ABTB2: variants seen among roughly 807,000 people sequenced by gnomAD.
ABTB2 encodes ankyrin repeat and BTB/POZ domain-containing protein 2.
ABTB2 carries 56 observed loss-of-function variants against 104.1 expected under a neutral mutation model. That is an observed-to-expected ratio of 0.54 (90% CI 0.43 to 0.67). ABTB2 has a LOEUF of 0.67. Among genes scored for constraint, ABTB2 ranks in the 30% least tolerant of loss-of-function variants. The probability of loss-of-function intolerance (pLI) is 0.00; values close to 1 mark genes in which losing one functional copy is unlikely to be tolerated. For missense variants in ABTB2, 1,279 were observed against 1,407.7 expected (o/e 0.91, Z 1.46); for synonymous variants, 606 against 608.2 (o/e 1.00, Z 0.05).
chr11:34,321,626 A>T (rs1855002735), intron 1 of ABTB2, among the ~76,000 whole-genome samples: 1 of 152,218 alleles, frequency 6.6e-6, no homozygotes. Context: ...TCTGTGACTC[A>T]ACAGTGTCAT....
rs1157057063 is a variant in ABTB2 at position 34,274,582 on chromosome 11, C to CGT, written c.884-69894_884-69893dup. On this transcript the variant is annotated intron_variant, in intron 1 of 16. Coordinates refer to ENST00000435224, the MANE Select transcript of ABTB2 (RefSeq NM_145804.3). ...ATATACACACACACACACACACACGCGTGTGTGTGTATGTATATATTTTTT... is the reference window on the plus strand; with the variant it reads ...ATATACACACACACACACACACACGCGTGTGTGTGTGTATGTATATATTTTTT... 2.2e-4 allele frequency among the ~76,000 whole-genome samples: 34 copies of CGT among 151,144 alleles called. 1 individual carries two copies. The highest frequency in any genetic ancestry group is 9.3e-4 in the Admixed American group (14 of 15,122).
intron 3 of ABTB2, among the ~76,000 whole-genome samples, chr11:34,194,240 G>A (rs1197065966): frequency 6.6e-6 from 1 of 152,172 alleles, no homozygotes; most frequent in East Asian, 1.9e-4. Flanking sequence ...CAGTAGAGGA[G>A]GTCACTTAAT....
Position 34,152,576 on chromosome 11 carries a change from A to G in ABTB2, c.2889T>C (p.Asn963=), listed in dbSNP as rs1852559785. The change falls in exon 17 of 17, where the codon AAT becomes AAC. Residue 963 remains asparagine (N), a synonymous_variant. Transcript: ENST00000435224. ...VNTYKYAKIH[N]APELALFCEG... ...CACAGAACAGGGCCAGTTCTGGGGC[A>G]TTGTGGATCTGTAGGGCAGAGAGAG... is the stretch of plus-strand genomic sequence containing the variant. The G allele has an allele frequency of 3.2e-6, 5 of 1,580,424 alleles. No homozygotes were observed. The highest frequency in any genetic ancestry group is 4.3e-6 in the Non-Finnish European group (5 of 1,150,888).
intron 1 of ABTB2, among the ~76,000 whole-genome samples, chr11:34,229,589 G>A (rs1261512016): frequency 2.0e-5 from 3 of 152,182 alleles, no homozygotes; most frequent in East Asian, 1.9e-4. Flanking sequence ...CAAAGGCCAC[G>A]GAAGAGGCAC....
At chr11:34,165,570 A>T (rs189407756) in intron 7 of ABTB2, among the ~76,000 whole-genome samples, 1 of 152,386 alleles carries the variant, frequency 6.6e-6, no homozygotes, top group East Asian at 1.9e-4. Context: ...ATTGTGGTCC[A>T]AGACCAAGCC....
At chr11:34,309,148 G>A (rs1286729368) in intron 1 of ABTB2, among the ~76,000 whole-genome samples, 1 of 152,202 alleles carries the variant, frequency 6.6e-6, no homozygotes, top group African/African-American at 2.4e-5. Flanking sequence ...TCTGGAGGGG[G>A]CCTGGCAATG....
At chr11:34,281,169 T>C (rs1286966454) in intron 1 of ABTB2, among the ~76,000 whole-genome samples, 1 of 152,130 alleles carries the variant, frequency 6.6e-6, no homozygotes, top group Admixed American at 6.5e-5. Flanking sequence ...CCCAGGAACA[T>C]GCACCCCCAT....
intron 1 of ABTB2, among the ~76,000 whole-genome samples, chr11:34,262,219 C>T (rs1488574440): frequency 6.6e-6 from 1 of 152,210 alleles, no homozygotes; most frequent in Non-Finnish European, 1.5e-5. Flanking sequence ...CTAAGAAATG[C>T]AAAGACACTT....
chr11:34,253,143 T>C (rs1049182387), intron 1 of ABTB2, among the ~76,000 whole-genome samples: 8 of 152,178 alleles, frequency 5.3e-5, no homozygotes, highest in African/African-American at 1.9e-4. Context: ...CAGGAGAGTC[T>C]GGGAGAATCT....
chr11:34,155,376 G>A (rs565037340), intron 14 of ABTB2, among the ~76,000 whole-genome samples: 82 of 152,356 alleles, frequency 5.4e-4, no homozygotes, highest in Middle Eastern at 3.4e-3. Flanking sequence ...GAGGCCCGGA[G>A]CTCCCCTCGA....
At chr11:34,247,279 C>T (rs1407334379) in intron 1 of ABTB2, among the ~76,000 whole-genome samples, 2 of 152,148 alleles carry the variant, frequency 1.3e-5, no homozygotes, top group Non-Finnish European at 2.9e-5. Flanking sequence ...CCCAAAGCTG[C>T]GAAGGAGGAA....
intron 1 of ABTB2, among the ~76,000 whole-genome samples, chr11:34,301,953 C>G (rs959498120): frequency 5.3e-5 from 8 of 152,196 alleles, no homozygotes; most frequent in African/African-American, 1.9e-4. Flanking sequence ...TGCCACTGCA[C>G]TCTAGCCTGG....
intron 1 of ABTB2, among the ~76,000 whole-genome samples, chr11:34,265,762 A>T (rs779223127): frequency 1.3e-5 from 2 of 150,710 alleles, no homozygotes; most frequent in South Asian, 2.1e-4. Context: ...TGAGGTCAGG[A>T]GTTCGAGACC....
At chr11:34,227,286 GAA>G (rs55966959) in intron 1 of ABTB2, among the ~76,000 whole-genome samples, 15 of 125,226 alleles carry the variant, frequency 1.2e-4, no homozygotes, top group East Asian at 4.7e-4. Context: ...AAAAAAAAAA[GAA>G]AAAAAAAAAA....
At chr11:34,326,141 G>T (rs1855067898) in intron 1 of ABTB2, among the ~76,000 whole-genome samples, 1 of 151,994 alleles carries the variant, frequency 6.6e-6, no homozygotes, top group Admixed American at 6.6e-5. Flanking sequence ...TACAATGTTA[G>T]ATTTTATACA....
intron 3 of ABTB2, among the ~76,000 whole-genome samples, chr11:34,179,126 G>A (rs1306049199): frequency 6.7e-6 from 1 of 149,362 alleles, no homozygotes; most frequent in Non-Finnish European, 1.5e-5. Flanking sequence ...AAGAGCTTTT[G>A]TTTATGTGTG....
At chr11:34,161,415 G>T (rs1173180556) in intron 10 of ABTB2, among the ~76,000 whole-genome samples, 1 of 152,204 alleles carries the variant, frequency 6.6e-6, no homozygotes, top group South Asian at 2.1e-4. Context: ...TTGGAAGTAT[G>T]GGCCCAGCAC....
intron 3 of ABTB2, among the ~76,000 whole-genome samples, chr11:34,195,224 G>A (rs1236962792): frequency 1.3e-5 from 2 of 152,190 alleles, no homozygotes; most frequent in East Asian, 1.9e-4. Context: ...TGAATGACCC[G>A]GCCTCAGCCC....
chr11:34,255,479 G>A (rs1197894814), intron 1 of ABTB2, among the ~76,000 whole-genome samples: 2 of 152,058 alleles, frequency 1.3e-5, no homozygotes, highest in Non-Finnish European at 2.9e-5. Flanking sequence ...AGAAAAGTGA[G>A]TCAGAAATTA....
Sources: allele counts gnomAD v4.1 joint callset (sites outside exome capture counted in the v4.1 genomes callset), GRCh38; gene constraint gnomAD v4.1.1; transcripts MANE v1.5; gene names NCBI Gene and HGNC (gene_info 2026-07-23, HGNC 2026-07-21).